VPS52: variants seen among roughly 807,000 people sequenced by gnomAD.
The protein encoded by VPS52 is VPS52 subunit of GARP complex.
Under a neutral mutation model 98.7 loss-of-function variants are expected in VPS52, and 56 were observed. That is an observed-to-expected ratio of 0.57 (90% CI 0.46 to 0.71). The LOEUF is 0.71. VPS52 is among the 30% of genes least tolerant of loss of function. VPS52 has a pLI of 0.00. For missense variants in VPS52, 742 were observed against 925.9 expected (o/e 0.80, Z 2.58); for synonymous variants, 348 against 346.4 (o/e 1.00, Z -0.05).
At chr6:33,257,310 C>T (rs538874410) in intron 17 of VPS52, among the ~76,000 whole-genome samples, 1 of 152,308 alleles carries the variant, frequency 6.6e-6, no homozygotes, top group Non-Finnish European at 1.5e-5. Flanking sequence ...GCTGGGATTA[C>T]AGGCTTTAGC....
chr6:33,271,157 T>TAGG (rs1765011274), intron 1 of VPS52: 2 of 535,112 alleles, frequency 3.7e-6, no homozygotes, highest in Non-Finnish European at 6.7e-6. Flanking sequence ...GGTGCAATCT[T>TAGG]ACACATATTC....
chr6:33,264,349 C>T lies in VPS52; in HGVS notation c.1524+25G>A, dbSNP rs745428517. The T allele has an allele frequency of 1.6e-5, 25 of 1,612,656 alleles. No individual in the cohort carries two copies. The African/African-American group carries it at 3.2e-4, about 21-fold the overall frequency. On this transcript the variant is annotated intron_variant, in intron 14 of 19. Transcript: ENST00000445902. ...CTTAGAGCCCTGCCTTTCAAGAACC[C>T]TTTGTTACCCTTGCCCTCCCTCACA...
intron 17 of VPS52, among the ~76,000 whole-genome samples, chr6:33,262,479 A>C (rs1277377309): frequency 2.0e-5 from 3 of 152,330 alleles, no homozygotes; most frequent in African/African-American, 7.2e-5. Flanking sequence ...CAAAAAACTA[A>C]AAGTAGAGCT....
intron 17 of VPS52, among the ~76,000 whole-genome samples, chr6:33,252,411 A>C (rs1196413350): frequency 6.6e-6 from 1 of 152,144 alleles, no homozygotes; most frequent in Non-Finnish European, 1.5e-5. Context: ...CAACATGATG[A>C]AACCCCATCT....
Position 33,264,828 on chromosome 6 carries a change from G to A in VPS52, c.1354C>T (p.Arg452Trp), listed in dbSNP as rs750864533. ...CTCTTTGCTGCAATGTTACGGAACCGGAGAACAATGTGGATACAGAGAAAA... is the reference window on the plus strand; with the variant it reads ...CTCTTTGCTGCAATGTTACGGAACCAGAGAACAATGTGGATACAGAGAAAA... ...AVFLCIHIVLRFRNIAAKRDV... is the reference protein window; with the variant it reads ...AVFLCIHIVLWFRNIAAKRDV... Residue 452 changes from arginine to tryptophan, a missense_variant, in exon 13 of 20, where the codon CGG (arginine) becomes TGG (tryptophan). Arg to Trp is a moderately radical substitution (Grantham distance 101, BLOSUM62 -3). This residue lies in a region of VPS52 where 590 missense variants were observed against 793.3 expected (regional missense o/e 0.74). Transcript: ENST00000445902. 8.1e-5 allele frequency: 131 copies of A among 1,612,980 alleles called. No homozygotes were observed. The highest frequency in any genetic ancestry group is 1.0e-4 in the Non-Finnish European group (123 of 1,180,026).
In VPS52 at chr6:33,271,742, G is replaced by T. The variant is rs1765133288; in HGVS notation, c.-67C>A. 2.2e-5 allele frequency: 33 copies of T among 1,524,956 alleles called. No homozygotes were observed. In the South Asian group the frequency reaches 4.0e-4, roughly 19 times the overall value. 94.5% of individuals were successfully genotyped at this position (1,524,956 alleles called of 1,614,324 possible). ...TCCGTTCCCCGGAGTGGAGCTACAA[G>T]TCCCAAAGGGTCTTCCTCAGCGCGA... On this transcript the variant is annotated 5_prime_UTR_variant, in exon 1 of 20. Transcript: ENST00000445902.
At chr6:33,265,373 G>A (rs1425337512) in intron 12 of VPS52, among the ~76,000 whole-genome samples, 1 of 152,008 alleles carries the variant, frequency 6.6e-6, no homozygotes, top group South Asian at 2.1e-4. Context: ...ACTGCACCCG[G>A]TGTTTTCGGC....
In VPS52 at chr6:33,270,004, T is replaced by G; in HGVS notation, c.223A>C (p.Lys75Gln). The change falls in exon 3 of 20, where the codon AAA becomes CAA. Residue 75 changes from lysine (K) to glutamine (Q), a missense_variant. Transcript: ENST00000445902. ...AGTACAGGGGAAAGCCTCACCGTTT[T>G]AAGAGCTTCCTTTACTAACTCATCC... ...LEDELVKEAL[K>Q]TGVDLRHYSK... 6.2e-7 allele frequency: 1 copy of G among 1,614,164 alleles called. No homozygotes were observed. Among genetic ancestry groups the G allele is most frequent in the South Asian group, 1.1e-5 (1 of 91,088 alleles).
intron 12 of VPS52, among the ~76,000 whole-genome samples, 174 bp from the exon 13 acceptor site, chr6:33,265,074 T>G (rs1053978211): frequency 1.3e-5 from 2 of 150,978 alleles, no homozygotes; most frequent in Non-Finnish European, 3.0e-5. Context: ...TGTTTTTGGC[T>G]TTTTTTTTGT....
chr6:33,269,625 C>A, intron 4 of VPS52, 68 bp from the exon 5 acceptor site: 1 of 1,578,354 alleles, frequency 6.3e-7, no homozygotes, highest in Non-Finnish European at 8.6e-7. Context: ...AGTACCTCTC[C>A]AATTTCTCTT....
chr6:33,259,602 G>A (rs1228016891), intron 17 of VPS52, among the ~76,000 whole-genome samples: 1 of 152,096 alleles, frequency 6.6e-6, no homozygotes, highest in South Asian at 2.1e-4. Flanking sequence ...AAGTTTTTGA[G>A]TATCAACATG....
At chr6:33,263,098 A>T (rs1378312293) in intron 17 of VPS52, among the ~76,000 whole-genome samples, 1 of 151,872 alleles carries the variant, frequency 6.6e-6, no homozygotes, top group East Asian at 1.9e-4. Context: ...AATAAAATTC[A>T]TTCTAAAAAT....
intron 17 of VPS52, among the ~76,000 whole-genome samples, chr6:33,258,959 C>T (rs1763325177): frequency 6.6e-6 from 1 of 152,136 alleles, no homozygotes; most frequent in Admixed American, 6.5e-5. Flanking sequence ...ACACAGAGCA[C>T]CAGCTTCAGG....
chr6:33,268,901 A>G lies in VPS52; in HGVS notation c.548+113T>C. ...GAAATGGTGGTTAACCTGGCTACTA[A>G]TTTCTAAAAAGCACTTAACCTGGAG... On this transcript the variant is annotated intron_variant, in intron 6 of 19. Transcript: ENST00000445902. This position sits in a 1 kb window ranked among gnomAD's most constrained non-coding sequence, Gnocchi z 4.0. The G allele has an allele frequency of 7.1e-7, 1 of 1,417,440 alleles. No homozygotes were observed. Among genetic ancestry groups the G allele is most frequent in the Non-Finnish European group, 9.6e-7 (1 of 1,046,592 alleles). The allele number at this position is 1,417,440 out of a possible 1,614,324, so 87.8% of individuals were successfully genotyped here. A position where few individuals can be genotyped will look rare whatever the true frequency, so the allele number is the denominator to read the frequency against.
At chr6:33,257,733 C>G (rs1015235822) in intron 17 of VPS52, among the ~76,000 whole-genome samples, 1 of 152,152 alleles carries the variant, frequency 6.6e-6, no homozygotes, top group Non-Finnish European at 1.5e-5. Context: ...AATAGTCAGG[C>G]GTGGTAGATG....
At chr6:33,253,753 C>CA (rs1383427443) in intron 17 of VPS52, among the ~76,000 whole-genome samples, 2 of 151,704 alleles carry the variant, frequency 1.3e-5, no homozygotes, top group East Asian at 3.9e-4. Flanking sequence ...GGCCCTATCT[C>CA]AAAAATAATT....
At position 33,266,728 on chromosome 6, in the gene VPS52, T is replaced by G. The variant is rs754854662; in HGVS notation, c.1126-16A>C. 2.4e-5 allele frequency: 38 copies of G among 1,584,686 alleles called. No homozygotes were observed. Among genetic ancestry groups the G allele is most frequent in the Non-Finnish European group, 2.9e-5 (34 of 1,166,136 alleles). On this transcript the variant is annotated splice_polypyrimidine_tract_variant and intron_variant, in intron 11 of 19. Coordinates refer to ENST00000445902, the MANE Select transcript of VPS52 (RefSeq NM_022553.6). ...CAAATGGATACTGGGAGAGGAGGAGTAAAGAAGAAAAACAGAAGGGATGGA... is the reference window on the plus strand; with the variant it reads ...CAAATGGATACTGGGAGAGGAGGAGGAAAGAAGAAAAACAGAAGGGATGGA...
In VPS52 at chr6:33,264,831, G is replaced by T; in HGVS notation, c.1351C>A (p.Leu451Ile). 6.2e-7 allele frequency: 1 copy of T among 1,613,124 alleles called. No individual in the cohort carries two copies. The highest frequency in any genetic ancestry group is 8.5e-7 in the Non-Finnish European group (1 of 1,180,032). Residue 451 changes from leucine to isoleucine, a missense_variant, in exon 13 of 20, where the codon CTC becomes ATC. By Grantham distance (5) the Leu-to-Ile change is conservative (BLOSUM62 2). Coordinates refer to ENST00000445902, the MANE Select transcript of VPS52 (RefSeq NM_022553.6). ...IAVFLCIHIVLRFRNIAAKRD... is the reference protein window; with the variant it reads ...IAVFLCIHIVIRFRNIAAKRD... ...TTTGCTGCAATGTTACGGAACCGGA[G>T]AACAATGTGGATACAGAGAAAAACA...
At chr6:33,255,508 C>T (rs867455807) in intron 17 of VPS52, among the ~76,000 whole-genome samples, 6 of 142,666 alleles carry the variant, frequency 4.2e-5, no homozygotes, top group South Asian at 4.4e-4. Context: ...GGGTCTTAGC[C>T]GGGCATGGTG....
Sources: gnomAD v4.1 joint callset for allele counts (sites outside exome capture counted in the v4.1 genomes callset) on GRCh38, gnomAD v4.1.1 for gene constraint, gnomAD v4.1.1 regional missense constraint, Gnocchi (gnomAD v3.1) non-coding constraint, MANE v1.5 for transcripts, NCBI Gene and HGNC (gene_info 2026-07-23, HGNC 2026-07-21) for gene names.